The following TMEM234 variants were observed in gnomAD, a reference collection of about 807,000 sequenced individuals.
TMEM234 encodes chromosome 1 open reading frame 91.
Under a neutral mutation model 17.8 loss-of-function variants are expected in TMEM234, and 21 were observed. That is an observed-to-expected ratio of 1.18 (90% confidence interval 0.84 to 1.70). The LOEUF (loss-of-function observed/expected upper bound fraction) is 1.70, where lower values mean the gene tolerates loss of function less well. Among genes scored for constraint, TMEM234 ranks in the 40% most tolerant of loss-of-function variants. The probability of loss-of-function intolerance (pLI) is 0.00; values close to 1 mark genes in which losing one functional copy is unlikely to be tolerated. For synonymous variants in TMEM234, 83 were observed against 73.5 expected (o/e 1.13, Z -0.66); for missense variants, 137 against 166.9 (o/e 0.82, Z 0.99).
At chr1:32,220,943 G>A (rs1217153672) in intron 3 of TMEM234, among the ~76,000 whole-genome samples, 188 bp downstream of exon 3, 1 of 152,130 alleles carries the variant, frequency 6.6e-6, no homozygotes, top group Non-Finnish European at 1.5e-5. Flanking sequence ...CCAGTGCCTA[G>A]CAACATACTC....
intron 3 of TMEM234, among the ~76,000 whole-genome samples, chr1:32,220,066 C>T (rs1638754458): frequency 6.6e-6 from 1 of 152,208 alleles, no homozygotes; most frequent in Non-Finnish European, 1.5e-5. Flanking sequence ...TTGATTAAAA[C>T]TTGGTGAATG....
downstream of TMEM234, chr1:32,214,786 C>A (rs1638249320): frequency 4.3e-6 from 7 of 1,613,886 alleles, no homozygotes; most frequent in Non-Finnish European, 5.9e-6. Flanking sequence ...AGCCCAGTGT[C>A]CCTTCTCTAG....
At chr1:32,216,073 C>G, downstream of TMEM234, 1 of 713,430 alleles carries the variant, frequency 1.4e-6, no homozygotes, top group Non-Finnish European at 2.3e-6. Flanking sequence ...GCCTTCCCTT[C>G]CTCTGAGCAG....
intron 3 of TMEM234, among the ~76,000 whole-genome samples, chr1:32,218,468 G>A (rs1431158657): frequency 6.6e-6 from 1 of 151,858 alleles, no homozygotes. Flanking sequence ...CTTAAAATTT[G>A]TTGAGGGTAG....
downstream of TMEM234, chr1:32,215,022 A>T: frequency 1.3e-6 from 2 of 1,504,342 alleles, no homozygotes; most frequent in Non-Finnish European, 1.8e-6. Context: ...TGTCCATGGG[A>T]GCAGAATGCT....
At chr1:32,219,974 C>T (rs930394564) in intron 3 of TMEM234, among the ~76,000 whole-genome samples, 4 of 152,098 alleles carry the variant, frequency 2.6e-5, no homozygotes, top group African/African-American at 7.2e-5. Context: ...ATAGTTATTA[C>T]TGTTCTGGTT....
intron 3 of TMEM234, among the ~76,000 whole-genome samples, chr1:32,218,417 ACT>A (rs1347484892): frequency 6.6e-6 from 1 of 151,638 alleles, no homozygotes; most frequent in Non-Finnish European, 1.5e-5. Context: ...CAAGAGTGAA[ACT>A]CTGTCTCAAA....
At chr1:32,220,414 TG>T (rs1261203883) in intron 3 of TMEM234, among the ~76,000 whole-genome samples, 2 of 152,174 alleles carry the variant, frequency 1.3e-5, no homozygotes, top group African/African-American at 2.4e-5. Context: ...TGACCTCAAA[TG>T]ATCTGCCCTC....
At chr1:32,219,228 G>C (rs1332772718) in intron 3 of TMEM234, among the ~76,000 whole-genome samples, 1 of 152,054 alleles carries the variant, frequency 6.6e-6, no homozygotes, top group Non-Finnish European at 1.5e-5. Context: ...TGGCTCCTCA[G>C]CAAATTCTTT....
At chr1:32,217,659 A>G in intron 3 of TMEM234, 1 of 539,846 alleles carries the variant, frequency 1.9e-6, no homozygotes. Context: ...ACAGGCAGGC[A>G]CCCAAATCCC....
downstream of TMEM234, chr1:32,215,101 G>A (rs1638268939): frequency 2.1e-6 from 2 of 950,564 alleles, no homozygotes; most frequent in Non-Finnish European, 3.0e-6. Context: ...TGGCTCAGGA[G>A]ACTGCCCGTA....
intron 3 of TMEM234, chr1:32,217,599 G>A (rs1334243173): frequency 1.3e-6 from 1 of 793,798 alleles, no homozygotes; most frequent in Non-Finnish European, 2.1e-6. Flanking sequence ...ATGAGAATGA[G>A]GTCTTTGCAC....
At chr1:32,217,395 C>G in intron 3 of TMEM234, 44 bp from the exon 4 acceptor site, 1 of 1,590,846 alleles carries the variant, frequency 6.3e-7, no homozygotes, top group Non-Finnish European at 8.6e-7. Flanking sequence ...GCAACAAATG[C>G]CTTTCTAGGC....
At chr1:32,217,917 C>T (rs1276581049) in intron 3 of TMEM234, among the ~76,000 whole-genome samples, 1 of 152,214 alleles carries the variant, frequency 6.6e-6, no homozygotes. Context: ...ATAGACAGAG[C>T]AGAACATCAG....
intron 4 of TMEM234, 131 bp from the exon 5 acceptor site, chr1:32,217,078 A>G (rs1166423574): frequency 1.9e-6 from 3 of 1,566,234 alleles, no homozygotes; most frequent in Admixed American, 3.8e-5. Context: ...CTTTCTCCAG[A>G]CTGTCCAGGG....
chr1:32,219,563 T>C (rs1638706154), intron 3 of TMEM234, among the ~76,000 whole-genome samples: 1 of 152,000 alleles, frequency 6.6e-6, no homozygotes, highest in African/African-American at 2.4e-5. Context: ...CAGTTAATTT[T>C]CGTATTTTTG....
chr1:32,217,347 C>A lies in TMEM234; in HGVS notation c.240G>T (p.Leu80=). 6.2e-7 allele frequency: 1 copy of A among 1,608,692 alleles called. No individual in the cohort carries two copies. The highest frequency in any genetic ancestry group is 1.1e-5 in the South Asian group (1 of 90,708). ...LYYLTLASTD[L]TLAVPICNSL... The stretch of plus-strand genomic sequence containing the variant: ...AGTTACAGATGGGCACAGCCAGGGT[C>A]AGATCTGGGTGGTCAGAATGAAAAG... Residue 80 remains leucine, a synonymous_variant, in exon 4 of 5, where the codon CTG becomes CTT. Coordinates refer to ENST00000309777, the MANE Select transcript of TMEM234 (RefSeq NM_019118.5).
intron 2 of TMEM234, 69 bp downstream of exon 2, chr1:32,221,798 T>C: frequency 6.3e-7 from 1 of 1,595,996 alleles, no homozygotes; most frequent in South Asian, 1.1e-5. Context: ...GACCCAGACC[T>C]GTTTGACTCC....
At chr1:32,215,887 T>C (rs1450497868), downstream of TMEM234, 4 of 1,551,214 alleles carry the variant, frequency 2.6e-6, no homozygotes, top group Non-Finnish European at 3.5e-6. Flanking sequence ...GCCCCAGCTC[T>C]GCCATCTTGA....
Sources: gnomAD v4.1 joint callset for allele counts (sites outside exome capture counted in the v4.1 genomes callset) on GRCh38, gnomAD v4.1.1 for gene constraint, MANE v1.5 for transcripts, NCBI Gene and HGNC (gene_info 2026-07-23, HGNC 2026-07-21) for gene names.